Variants in VGLL2 observed in about 807,000 individuals in gnomAD.
The protein encoded by VGLL2 is transcription cofactor vestigial-like protein 2.
A neutral mutation model predicts 27.0 loss-of-function variants in VGLL2; 18 were observed. The ratio of observed to expected loss-of-function variants is 0.67; its 90% CI spans 0.46 to 0.99. VGLL2 has a LOEUF of 0.99. Ranked by LOEUF, VGLL2 falls within the 50% of genes least tolerant of loss-of-function variation. The probability of loss-of-function intolerance (pLI) is 0.00; values close to 1 mark genes in which losing one functional copy is unlikely to be tolerated. For missense variants in VGLL2, 491 were observed against 452.3 expected (o/e 1.09, Z -0.78); for synonymous variants, 220 against 201.1 (o/e 1.09, Z -0.80).
At position 117,271,025 on chromosome 6, in the gene VGLL2, G is replaced by C; in HGVS notation, c.874G>C (p.Gly292Arg). 8.1e-7 allele frequency: 1 copy of C among 1,232,768 alleles called. No homozygotes were observed. Among genetic ancestry groups the C allele is most frequent in the East Asian group, 3.2e-5 (1 of 31,506 alleles). The allele number at this position is 1,232,768 out of a possible 1,614,324, so 76.4% of individuals were successfully genotyped here. A position where few individuals can be genotyped will look rare whatever the true frequency, so the allele number is the denominator to read the frequency against. ...CGGGGGACCCTTCGCGAGCCCCTCG[G>C]GGGACGTGGCCCAGGGTCTGGGCCT... ...GPGGPFASPS[G>R]DVAQGLGLSV... is the part of the protein sequence containing the mutation. The change falls in exon 3 of 4, where the codon GGG (glycine) becomes CGG (arginine). Residue 292 changes from glycine (G) to arginine (R), a missense_variant. Transcript: ENST00000326274.
chr6:117,270,112 A>G (rs571480168), intron 2 of VGLL2, among the ~76,000 whole-genome samples: 3 of 152,052 alleles, frequency 2.0e-5, no homozygotes, highest in Non-Finnish European at 4.4e-5. Context: ...GGGAAGAGGT[A>G]TCGTTAGCTT....
chr6:117,272,821 A>T lies in VGLL2; in HGVS notation c.*327A>T. The T allele has an allele frequency of 2.5e-6, 1 of 403,514 alleles. No individual in the cohort carries two copies. The highest frequency in any genetic ancestry group is 4.4e-6 in the Non-Finnish European group (1 of 225,376). The allele number at this position is 403,514 out of a possible 1,614,324, so 25.0% of individuals were successfully genotyped here. A position where few individuals can be genotyped will look rare whatever the true frequency, so the allele number is the denominator to read the frequency against. On this transcript the variant is annotated 3_prime_UTR_variant, in exon 4 of 4. Transcript: ENST00000326274. The stretch of plus-strand genomic sequence containing the variant: ...AAAGAAAATGAAACTTTTTGGTGTG[A>T]ATATTTTTTATGCTGATGTGAATTA...
chr6:117,266,951 C>T (rs1773079696), intron 1 of VGLL2, among the ~76,000 whole-genome samples: 1 of 152,134 alleles, frequency 6.6e-6, no homozygotes, highest in African/African-American at 2.4e-5. Flanking sequence ...TTTGTTTTGC[C>T]TCAGTGTTAA....
rs534317857 is a variant in VGLL2, at chr6:117,268,464, G to A, written c.364G>A (p.Ala122Thr). 13 of 1,612,854 alleles carry A rather than the reference G, an allele frequency of 8.1e-6. No homozygotes were observed. The highest frequency in any genetic ancestry group is 6.7e-5 in the African/African-American group (5 of 74,986). Residue 122 changes from alanine to threonine, a missense_variant, in exon 2 of 4, where the codon GCA becomes ACA. Ala to Thr is a moderately conservative substitution (Grantham distance 58, BLOSUM62 0). Transcript: ENST00000326274. Reference sequence around the variant, plus strand: ...CTCTCCTAGCTGTACCAGCAGCAAAGCACCAAGGAGCTCTGGGCCCTGGCG... The same window carrying A: ...CTCTCCTAGCTGTACCAGCAGCAAAACACCAAGGAGCTCTGGGCCCTGGCG... The part of the protein sequence containing the change: ...SYSPSCTSSK[A>T]PRSSGPWRDC...
rs750523675 is a variant in VGLL2 at position 117,265,808 on chromosome 6, G to A, written c.45G>A (p.Gln15=). 2.5e-6 allele frequency: 4 copies of A among 1,614,074 alleles called. No homozygotes were observed. The highest frequency in any genetic ancestry group is 3.3e-5 in the Admixed American group (2 of 60,016). Residue 15 remains glutamine (Q), a synonymous_variant, in exon 1 of 4, where the codon CAG becomes CAA. Transcript: ENST00000326274. ...DVMYQVYGPP[Q]PYFAAAYTPY... ...TGTACCAAGTCTATGGTCCTCCGCA[G>A]CCCTACTTCGCAGCCGCCTACACCC...
rs1270838546 is a variant in VGLL2, at chr6:117,268,454, C to T, written c.354C>T (p.Thr118=). Residue 118 remains threonine, a synonymous_variant, in exon 2 of 4, where the codon ACC becomes ACT. Transcript: ENST00000326274. ...SQPSSYSPSC[T]SSKAPRSSGP... is the part of the protein sequence containing the mutation. ...CCAGCAGCTACTCTCCTAGCTGTAC[C>T]AGCAGCAAAGCACCAAGGAGCTCTG... is the stretch of plus-strand genomic sequence containing the variant. 8 of 1,613,586 alleles carry T rather than the reference C, an allele frequency of 5.0e-6. No individual in the cohort carries two copies. In the African/African-American group the frequency reaches 9.3e-5, roughly 19 times the overall value.
intron 1 of VGLL2, among the ~76,000 whole-genome samples, chr6:117,266,321 A>G (rs942587252): frequency 2.6e-5 from 4 of 152,316 alleles, no homozygotes; most frequent in African/African-American, 9.6e-5. Flanking sequence ...TTATCTCAGG[A>G]ATAATTTCTT....
chr6:117,268,544 G>A, intron 2 of VGLL2, 53 bp downstream of exon 2: 1 of 1,490,376 alleles, frequency 6.7e-7, no homozygotes, highest in East Asian at 2.4e-5. Context: ...CTCAGCCTGG[G>A]GTTCACCTAC....
At chr6:117,270,007 T>C (rs944288695) in intron 2 of VGLL2, among the ~76,000 whole-genome samples, 1 of 152,074 alleles carries the variant, frequency 6.6e-6, no homozygotes, top group Non-Finnish European at 1.5e-5. Flanking sequence ...TTTCAGTCTG[T>C]CAGAGACGTT....
In VGLL2 at chr6:117,265,646, C is replaced by T. The variant is rs1171133178; in HGVS notation, c.-118C>T. On this transcript the variant is annotated 5_prime_UTR_variant, in exon 1 of 4. Transcript: ENST00000326274. ...GATTCCGAGCCGCGGAGCGCGCTGG[C>T]TTTGCTCCGCCTGATGACTCCAGAG... The T allele has an allele frequency of 2.4e-6, 2 of 837,656 alleles. No homozygotes were observed. Among genetic ancestry groups the T allele is most frequent in the Non-Finnish European group, 3.9e-6 (2 of 508,440 alleles). 51.9% of individuals were successfully genotyped at this position (837,656 alleles called of 1,614,324 possible). A position where few individuals can be genotyped will look rare whatever the true frequency, so the allele number is the denominator to read the frequency against.
intron 1 of VGLL2, among the ~76,000 whole-genome samples, chr6:117,266,974 C>T (rs1374906276): frequency 1.3e-5 from 2 of 152,178 alleles, no homozygotes. Flanking sequence ...TTAAGAATCA[C>T]CAGAGTTCCT....
In VGLL2 at chr6:117,266,523, G is replaced by A. The variant is rs138698043; in HGVS notation, c.81+679G>A. Among the ~76,000 whole-genome samples, 278 of 152,302 alleles carry A rather than the reference G, an allele frequency of 1.8e-3. 2 individuals carry two copies. Among genetic ancestry groups the A allele is most frequent in the African/African-American group, 6.0e-3 (248 of 41,564 alleles). ...TCTCCAGCCTGAGTAGGTGAATGGGGAAGCCCTGCTTCCAACAAACACTTT... is the reference window on the plus strand; with the variant it reads ...TCTCCAGCCTGAGTAGGTGAATGGGAAAGCCCTGCTTCCAACAAACACTTT... On this transcript the variant is annotated intron_variant, in intron 1 of 3. Transcript: ENST00000326274.
chr6:117,272,606 A>C lies in VGLL2; in HGVS notation c.*112A>C. The C allele has an allele frequency of 6.6e-7, 1 of 1,505,100 alleles. No homozygotes were observed. Among genetic ancestry groups the C allele is most frequent in the Non-Finnish European group, 9.1e-7 (1 of 1,102,788 alleles). 93.2% of individuals were successfully genotyped at this position (1,505,100 alleles called of 1,614,324 possible). ...ACATGGGGGAAGGCAGAGACTTCAG[A>C]CTTCTCAGTGTGTTGGGAAAACCAA... is the stretch of plus-strand genomic sequence containing the variant. On this transcript the variant is annotated 3_prime_UTR_variant, in exon 4 of 4. Transcript: ENST00000326274.
chr6:117,270,404 C>A, intron 2 of VGLL2, 139 bp from the exon 3 acceptor site: 1 of 1,148,624 alleles, frequency 8.7e-7, no homozygotes, highest in Non-Finnish European at 1.2e-6. Flanking sequence ...CCCATCAGCC[C>A]CGGCCATGGC....
chr6:117,270,478 G>T, intron 2 of VGLL2, 65 bp from the exon 3 acceptor site: 1 of 1,498,590 alleles, frequency 6.7e-7, no homozygotes, highest in Non-Finnish European at 8.9e-7. Flanking sequence ...TCGGCGCTGA[G>T]TCCAGCCGCA....
At position 117,265,722 on chromosome 6, in the gene VGLL2, A is replaced by G. The variant is rs1239628496; in HGVS notation, c.-42A>G. 25 of 1,559,612 alleles carry G rather than the reference A, an allele frequency of 1.6e-5. No homozygotes were observed. Among genetic ancestry groups the G allele is most frequent in the Non-Finnish European group, 2.1e-5 (24 of 1,131,008 alleles). On this transcript the variant is annotated 5_prime_UTR_variant, in exon 1 of 4. Coordinates refer to ENST00000326274, the MANE Select transcript of VGLL2 (RefSeq NM_182645.3). ...GCACCCCTGAGCTCCGGGGAAGGAG[A>G]GTTAATGAAAAAACACTTAACCGTC...
At chr6:117,268,528 G>A (rs1383785731) in intron 2 of VGLL2, 37 bp downstream of exon 2, 1 of 1,522,048 alleles carries the variant, frequency 6.6e-7, no homozygotes, top group Non-Finnish European at 8.8e-7. Flanking sequence ...ACCCATAGGG[G>A]GTCCTCTCAG....
intron 2 of VGLL2, among the ~76,000 whole-genome samples, chr6:117,268,980 T>C (rs1164384897): frequency 6.6e-6 from 1 of 152,214 alleles, no homozygotes; most frequent in Non-Finnish European, 1.5e-5. Flanking sequence ...GAGGAAACAG[T>C]TCTAGAGCTC....
In VGLL2 at chr6:117,265,969, C is replaced by T. The variant is rs1053516330; in HGVS notation, c.81+125C>T. On this transcript the variant is annotated intron_variant, in intron 1 of 3. Coordinates refer to ENST00000326274, the MANE Select transcript of VGLL2 (RefSeq NM_182645.3). The stretch of plus-strand genomic sequence containing the variant: ...GGCGTCCGACCACGACCGGCGCAGC[C>T]GGGATGCGGGGATTGCCGGAGCCGC... The T allele has an allele frequency of 4.6e-6, 4 of 865,654 alleles. No homozygotes were observed. The African/African-American group carries it at 5.0e-5, about 11-fold the overall frequency. 53.6% of individuals were successfully genotyped at this position (865,654 alleles called of 1,614,324 possible).
Sources: allele counts gnomAD v4.1 joint callset (sites outside exome capture counted in the v4.1 genomes callset), GRCh38; gene constraint gnomAD v4.1.1; transcripts MANE v1.5; gene names NCBI Gene and HGNC (gene_info 2026-07-23, HGNC 2026-07-21).